ART3: variants seen among roughly 807,000 people sequenced by gnomAD.
ART3 encodes ecto-ADP-ribosyltransferase 3.
ART3 carries 49 observed loss-of-function variants against 48.5 expected under a neutral mutation model. The observed-to-expected ratio is 1.01, with a 90% CI of 0.80 to 1.28. The LOEUF is 1.28. Among genes scored for constraint, ART3 ranks in the 50% most tolerant of loss-of-function variants. ART3 has a pLI of 0.00. For missense variants in ART3, 438 were observed against 454.3 expected (o/e 0.96, Z 0.33); for synonymous variants, 145 against 157.2 (o/e 0.92, Z 0.58).
At chr4:76,031,743 T>C (rs76709559) in intron 1 of ART3, among the ~76,000 whole-genome samples, 1,564 of 152,332 alleles carry the variant, frequency 0.01, 27 homozygotes, top group African/African-American at 0.036. Context: ...TGCCATTCAA[T>C]AGGGTCTGAT....
At chr4:76,052,899 T>G (rs1736270884) in intron 1 of ART3, among the ~76,000 whole-genome samples, 1 of 151,996 alleles carries the variant, frequency 6.6e-6, no homozygotes, top group African/African-American at 2.4e-5. Flanking sequence ...AGGCTAATTT[T>G]TGTATTTTTA....
intron 8 of ART3, among the ~76,000 whole-genome samples, chr4:76,103,449 T>C (rs924596686): frequency 1.3e-5 from 2 of 152,164 alleles, no homozygotes; most frequent in African/African-American, 4.8e-5. Flanking sequence ...ATTGAGTACC[T>C]TTTTTCGCTC....
intron 1 of ART3, among the ~76,000 whole-genome samples, chr4:76,062,542 G>A (rs996405613): frequency 6.9e-6 from 1 of 144,800 alleles, no homozygotes; most frequent in Non-Finnish European, 1.5e-5. Flanking sequence ...TCATCCTTAT[G>A]TGAAAGAAAA....
At chr4:76,072,747 C>T (rs12511352), upstream of ART3, among the ~76,000 whole-genome samples, 29,541 of 149,582 alleles carry the variant, frequency 0.2, 5,026 homozygotes, top group African/African-American at 0.46. Flanking sequence ...CCACCACCCC[C>T]TTACATCTCT....
chr4:76,089,417 T>TA (rs1490403597), intron 3 of ART3, among the ~76,000 whole-genome samples: 4 of 152,188 alleles, frequency 2.6e-5, no homozygotes, highest in South Asian at 2.1e-4. Context: ...GTTATCATGA[T>TA]AGAGTTCTCA....
At chr4:76,056,006 C>T (rs1260568302) in intron 1 of ART3, among the ~76,000 whole-genome samples, 2 of 152,286 alleles carry the variant, frequency 1.3e-5, no homozygotes, top group East Asian at 3.9e-4. Flanking sequence ...CAGGTCAACT[C>T]CTGTCCCTAA....
intron 1 of ART3, 150 bp from the exon 2 acceptor site, chr4:76,075,731 A>G (rs1720893808): frequency 5.1e-6 from 3 of 593,224 alleles, no homozygotes; most frequent in African/African-American, 1.9e-5. Flanking sequence ...TGGCTCTTGT[A>G]GCCCGTTAGG....
In ART3 at chr4:76,052,714, C is replaced by CTTTTTTT. The variant is rs10644249; in HGVS notation, c.-9-23167_-9-23166insTTTTTTT. Reference sequence around the variant, plus strand: ...CATGCGTGTACCCAATTTCTTTTTTCCTTCTTTTTTTTTTTTTTAAGACAG... The same window carrying CTTTTTTT: ...CATGCGTGTACCCAATTTCTTTTTTCTTTTTTTCTTCTTTTTTTTTTTTTTAAGACAG... On this transcript the variant is annotated intron_variant, in intron 1 of 9. Coordinates refer to the ART3 transcript ENST00000341029. 8.4e-5 allele frequency among the ~76,000 whole-genome samples: 12 copies of CTTTTTTT among 142,584 alleles called. 2 individuals are homozygous for CTTTTTTT. Among genetic ancestry groups the CTTTTTTT allele is most frequent in the East Asian group, 4.6e-4 (2 of 4,364 alleles). 93.5% of individuals were successfully genotyped at this position (142,584 alleles called of 152,430 possible).
At chr4:76,109,312 A>G (rs1166775488) in intron 11 of ART3, among the ~76,000 whole-genome samples, 1 of 151,864 alleles carries the variant, frequency 6.6e-6, no homozygotes, top group Non-Finnish European at 1.5e-5. Flanking sequence ...GCCTAGGCCT[A>G]TACAGGGTCA....
chr4:76,079,146 GTCTCAATCTCTTAGTT>G (rs1157200001), intron 2 of ART3, among the ~76,000 whole-genome samples: 1 of 133,340 alleles, frequency 7.5e-6, no homozygotes, highest in Admixed American at 8.1e-5. Flanking sequence ...TTCCATGTAA[GTCTCAATCTCTTAGTT>G]TCCTCATCTT....
At chr4:76,082,935 G>A (rs564365836) in intron 3 of ART3, among the ~76,000 whole-genome samples, 1 of 147,244 alleles carries the variant, frequency 6.8e-6, no homozygotes, top group Admixed American at 7.0e-5. Context: ...GGCCCAAAAT[G>A]TTGGTAGTGC....
rs1275176723 is a variant in ART3, at chr4:76,038,767, GGC to G, written c.-10+27448_-10+27449del. Among the ~76,000 whole-genome samples the G allele has an allele frequency of 1.9e-4, 29 of 152,222 alleles. 1 individual carries two copies. In the South Asian group the frequency reaches 5.6e-3, roughly 29 times the overall value. Reference sequence around the variant, plus strand: ...AGATGGATTCTTGCTCTGTAGCCCAGGCTGGAGTGCAGTGGTGTGATCTCGAC... The same window carrying G: ...AGATGGATTCTTGCTCTGTAGCCCAGTGGAGTGCAGTGGTGTGATCTCGAC... On this transcript the variant is annotated intron_variant, in intron 1 of 9. Transcript: ENST00000341029.
chr4:76,041,410 T>C (rs1052180440), intron 1 of ART3: 5 of 152,264 alleles, frequency 3.3e-5, no homozygotes, highest in African/African-American at 9.6e-5. Flanking sequence ...TAAGTCTTGA[T>C]GTCTTCATGA....
intron 1 of ART3, among the ~76,000 whole-genome samples, chr4:76,024,535 G>C (rs545637659): frequency 7.3e-4 from 111 of 152,306 alleles, no homozygotes; most frequent in Non-Finnish European, 1.3e-3. Context: ...ATTATTCATA[G>C]TAGCTAGCAG....
intron 3 of ART3, among the ~76,000 whole-genome samples, chr4:76,085,719 A>C (rs1723404714): frequency 1.3e-5 from 2 of 152,190 alleles, no homozygotes; most frequent in Admixed American, 1.3e-4. Flanking sequence ...AGGAAGGTAG[A>C]TTGGTGCAGC....
At chr4:76,107,670 T>C (rs900848936) in intron 10 of ART3, 91 bp from the exon 11 acceptor site, 2 of 875,032 alleles carry the variant, frequency 2.3e-6, no homozygotes, top group Non-Finnish European at 3.6e-6. Context: ...CTCACAGAGA[T>C]AACCAAGTTT....
chr4:76,073,409 T>C (rs6532167), upstream of ART3, among the ~76,000 whole-genome samples: 31,368 of 152,052 alleles, frequency 0.21, 5,518 homozygotes, highest in African/African-American at 0.48. Flanking sequence ...TCATATTATT[T>C]CTGGGAGTGA....
intron 1 of ART3, among the ~76,000 whole-genome samples, chr4:76,045,623 G>C (rs1735431093): frequency 6.6e-6 from 1 of 152,062 alleles, no homozygotes; most frequent in Non-Finnish European, 1.5e-5. Flanking sequence ...GGCTCTCTCT[G>C]TGATGTATAA....
chr4:76,105,024 ATTAG>A (rs1728160757), intron 10 of ART3, among the ~76,000 whole-genome samples: 1 of 152,230 alleles, frequency 6.6e-6, no homozygotes, highest in Non-Finnish European at 1.5e-5. Flanking sequence ...AGCGTTTTCC[ATTAG>A]TTAAATAAAG....
Sources: gnomAD v4.1 joint callset for allele counts (sites outside exome capture counted in the v4.1 genomes callset) on GRCh38, gnomAD v4.1.1 for gene constraint, MANE v1.5 for transcripts, NCBI Gene and HGNC (gene_info 2026-07-23, HGNC 2026-07-21) for gene names.